The following PRKCA variants were observed in gnomAD, a reference collection of about 807,000 sequenced individuals.
PRKCA encodes protein kinase C alpha, also known as protein kinase C alpha type.
Under a neutral mutation model 87.0 loss-of-function variants are expected in PRKCA, and 27 were observed. The observed-to-expected ratio is 0.31, with a 90% CI of 0.23 to 0.43. The LOEUF is 0.43. Ranked by LOEUF, PRKCA falls within the 20% of genes least tolerant of loss-of-function variation. The pLI is 1.00. For missense variants in PRKCA, 518 were observed against 852.3 expected, an observed-to-expected ratio of 0.61 and a Z score of 4.88; for synonymous variants, 329 against 311.1, an observed-to-expected ratio of 1.06 and a Z score of -0.61.
chr17:66,561,111 T>A (rs77921464), intron 3 of PRKCA, among the ~76,000 whole-genome samples: 3,892 of 152,224 alleles, frequency 0.026, 129 homozygotes, highest in East Asian at 0.15. Flanking sequence ...ACAAAACATA[T>A]CATTTTAAAT....
chr17:66,361,724 A>G (rs140971503), intron 2 of PRKCA, among the ~76,000 whole-genome samples: 45 of 152,344 alleles, frequency 3.0e-4, no homozygotes, highest in Admixed American at 5.2e-4. Context: ...AAATGTTTAT[A>G]GATTTACTTT....
At chr17:66,710,627 T>A (rs954359816) in intron 8 of PRKCA, among the ~76,000 whole-genome samples, 7 of 152,036 alleles carry the variant, frequency 4.6e-5, no homozygotes, top group African/African-American at 1.7e-4. Flanking sequence ...TGTGTCTTAG[T>A]CTGTGTGCTC....
At chr17:66,582,945 A>T (rs1290555317) in intron 3 of PRKCA, among the ~76,000 whole-genome samples, 1 of 152,150 alleles carries the variant, frequency 6.6e-6, no homozygotes, top group African/African-American at 2.4e-5. Flanking sequence ...GTGGAACCCC[A>T]GCCCCTGCCA....
rs200251171 is a variant in PRKCA, at chr17:66,765,477, CAT to C, written c.1525-8499_1525-8498del. On this transcript the variant is annotated intron_variant, in intron 13 of 16. Coordinates refer to ENST00000413366, the MANE Select transcript of PRKCA (RefSeq NM_002737.3). ...ATATCCATATATATACATATTTGTC[CAT>C]ATATATATATTTGTCTTTATATATA... Among the ~76,000 whole-genome samples, 414 of 45,936 alleles carry C rather than the reference CAT, an allele frequency of 9.0e-3. 1 individual carries two copies. Among genetic ancestry groups the C allele is most frequent in the African/African-American group, 0.03 (385 of 12,634 alleles). 30.1% of individuals were successfully genotyped at this position (45,936 alleles called of 152,430 possible).
intron 8 of PRKCA, among the ~76,000 whole-genome samples, chr17:66,716,739 A>G (rs977544280): frequency 6.6e-6 from 1 of 152,200 alleles, no homozygotes; most frequent in African/African-American, 2.4e-5. Flanking sequence ...GTGGTATGAA[A>G]AGAACCAAGC....
At chr17:66,802,536 C>T (rs933946054) in intron 16 of PRKCA, among the ~76,000 whole-genome samples, 10 of 151,272 alleles carry the variant, frequency 6.6e-5, no homozygotes, top group South Asian at 2.1e-4. Context: ...AAAAAAAAAA[C>T]GAAAGTAGGT....
At chr17:66,657,032 C>G (rs1445986037) in intron 5 of PRKCA, among the ~76,000 whole-genome samples, 7 of 152,182 alleles carry the variant, frequency 4.6e-5, no homozygotes, top group Admixed American at 1.3e-4. Flanking sequence ...AAACATCAGA[C>G]TATGTGCATC....
rs61047065 is a variant in PRKCA, at chr17:66,324,447, C to CAAA, written c.205+18337_205+18339dup. 6.1e-3 allele frequency among the ~76,000 whole-genome samples: 549 copies of CAAA among 90,626 alleles called. 6 individuals carry two copies. Among genetic ancestry groups the CAAA allele is most frequent in the African/African-American group, 0.02 (467 of 22,990 alleles). 59.5% of individuals were successfully genotyped at this position (90,626 alleles called of 152,430 possible). ...TGAAACCCTGTCTCTACTAAAAATACAAAAAAAAAAAAAAAAAAAGCTGGG... is the reference window on the plus strand; with the variant it reads ...TGAAACCCTGTCTCTACTAAAAATACAAAAAAAAAAAAAAAAAAAAAAGCTGGG... On this transcript the variant is annotated intron_variant, in intron 2 of 16. Coordinates refer to ENST00000413366, the MANE Select transcript of PRKCA (RefSeq NM_002737.3).
chr17:66,735,625 C>A lies in PRKCA; in HGVS notation c.1193C>A (p.Pro398Gln), dbSNP rs145121663. The change falls in exon 10 of 17, where the codon CCG (proline) becomes CAG (glutamine). Residue 398 changes from proline (P) to glutamine (Q), a missense_variant. Coordinates refer to ENST00000413366, the MANE Select transcript of PRKCA (RefSeq NM_002737.3). ...GTCTTGGCCCTGCTTGACAAACCCC[C>A]GTTCTTGACGCAGCTGCACTCCTGC... ...KRVLALLDKP[P>Q]FLTQLHSCFQ... 5.6e-6 allele frequency: 9 copies of A among 1,614,044 alleles called. No individual in the cohort carries two copies. The highest frequency in any genetic ancestry group is 1.7e-6 in the Non-Finnish European group (2 of 1,180,046).
At chr17:66,357,485 T>G (rs1471740147) in intron 2 of PRKCA, among the ~76,000 whole-genome samples, 1 of 152,194 alleles carries the variant, frequency 6.6e-6, no homozygotes, top group Non-Finnish European at 1.5e-5. Context: ...TTCGAATGCA[T>G]TATGATCATT....
intron 14 of PRKCA, among the ~76,000 whole-genome samples, chr17:66,776,322 T>C (rs1975047901): frequency 1.3e-5 from 2 of 152,084 alleles, no homozygotes; most frequent in Admixed American, 1.3e-4. Flanking sequence ...TTGTTTTGTT[T>C]TGTTTTTGAG....
At chr17:66,480,161 A>G (rs1171957530) in intron 2 of PRKCA, among the ~76,000 whole-genome samples, 1 of 152,032 alleles carries the variant, frequency 6.6e-6, no homozygotes, top group Non-Finnish European at 1.5e-5. Context: ...GGGTGCTTCT[A>G]TGCCTTCATA....
rs577655167 is a variant in PRKCA, at chr17:66,408,260, G to A, written c.206-87941G>A. ...TTTGGAAGGAAAAGAATTTCAATCCGATTATCCAGTGTTTTTAGACCTTCT... is the reference window on the plus strand; with the variant it reads ...TTTGGAAGGAAAAGAATTTCAATCCAATTATCCAGTGTTTTTAGACCTTCT... On this transcript the variant is annotated intron_variant, in intron 2 of 16. Coordinates refer to ENST00000413366, the MANE Select transcript of PRKCA (RefSeq NM_002737.3). Among the ~76,000 whole-genome samples, 11 of 152,306 alleles carry A rather than the reference G, an allele frequency of 7.2e-5. No individual in the cohort carries two copies. In the East Asian group the frequency reaches 7.7e-4, roughly 11 times the overall value.
At chr17:66,332,246 T>A (rs1386228587) in intron 2 of PRKCA, among the ~76,000 whole-genome samples, 1 of 142,020 alleles carries the variant, frequency 7.0e-6, no homozygotes, top group Non-Finnish European at 1.5e-5. Flanking sequence ...TTTTTTTTTT[T>A]AAACAGAGTC....
chr17:66,735,114 T>A (rs1973993502), intron 9 of PRKCA, among the ~76,000 whole-genome samples: 2 of 152,220 alleles, frequency 1.3e-5, no homozygotes, highest in South Asian at 4.1e-4. Flanking sequence ...AAGTCTAGGT[T>A]CTTGACTTGA....
intron 2 of PRKCA, among the ~76,000 whole-genome samples, chr17:66,495,152 G>T (rs1462091607): frequency 6.7e-6 from 1 of 150,278 alleles, no homozygotes; most frequent in Non-Finnish European, 1.5e-5. Flanking sequence ...CAGTTATTTT[G>T]TTGATTCATC....
chr17:66,721,162 C>T (rs1428120324), intron 8 of PRKCA, among the ~76,000 whole-genome samples: 9 of 151,848 alleles, frequency 5.9e-5, no homozygotes, highest in African/African-American at 1.7e-4. Flanking sequence ...TTTGGGAGGC[C>T]GAGGCGGGCG....
chr17:66,692,696 C>G lies in PRKCA; in HGVS notation c.918+3649C>G, dbSNP rs143865406. ...TGCTTCCCAGTGTCTCCAGGCTCCC[C>G]TCTCTGGGCCCTTTCTCGCCAACTA... On this transcript the variant is annotated intron_variant, in intron 8 of 16. Transcript: ENST00000413366. Among the ~76,000 whole-genome samples the G allele has an allele frequency of 2.8e-3, 427 of 152,294 alleles. 3 individuals are homozygous for G. The highest frequency in any genetic ancestry group is 9.5e-3 in the African/African-American group (394 of 41,540).
At chr17:66,483,059 T>TA (rs1915851424) in intron 2 of PRKCA, among the ~76,000 whole-genome samples, 1 of 152,328 alleles carries the variant, frequency 6.6e-6, no homozygotes, top group African/African-American at 2.4e-5. Context: ...TGCTGTCCCG[T>TA]AGAGCTGTCG....
Sources: allele counts gnomAD v4.1 joint callset (sites outside exome capture counted in the v4.1 genomes callset), GRCh38; gene constraint gnomAD v4.1.1; transcripts MANE v1.5; gene names NCBI Gene and HGNC (gene_info 2026-07-23, HGNC 2026-07-21).